UBE2E2: variants seen among roughly 807,000 people sequenced by gnomAD.
UBE2E2 encodes ubiquitin conjugating enzyme E2 E2.
UBE2E2 carries 6 observed loss-of-function variants against 24.7 expected under a neutral mutation model. The observed-to-expected ratio is 0.24, with a 90% CI of 0.13 to 0.48. UBE2E2 has a LOEUF of 0.48. Ranked by LOEUF, UBE2E2 falls within the 20% of genes least tolerant of loss-of-function variation. The pLI is 0.99. For missense variants in UBE2E2, 169 were observed against 245.0 expected, an observed-to-expected ratio of 0.69 and a Z score of 2.07; for synonymous variants, 104 against 83.6, an observed-to-expected ratio of 1.24 and a Z score of -1.33.
At chr3:23,569,852 T>G (rs1379195318) in intron 5 of UBE2E2, among the ~76,000 whole-genome samples, 1 of 152,228 alleles carries the variant, frequency 6.6e-6, no homozygotes, top group Non-Finnish European at 1.5e-5. Flanking sequence ...AAAAATATTT[T>G]ATCAAGTATA....
chr3:23,239,424 G>A (rs1424761452), intron 3 of UBE2E2, among the ~76,000 whole-genome samples: 3 of 152,040 alleles, frequency 2.0e-5, no homozygotes, highest in Non-Finnish European at 1.5e-5. Context: ...ACATCCATTA[G>A]CATTCTCCAT....
chr3:23,287,775 T>C (rs866968804), intron 3 of UBE2E2, among the ~76,000 whole-genome samples: 56 of 146,668 alleles, frequency 3.8e-4, no homozygotes, highest in South Asian at 2.8e-3. Flanking sequence ...GTCTCTCTCT[T>C]TTTTTTTTTT....
intron 5 of UBE2E2, among the ~76,000 whole-genome samples, chr3:23,570,533 G>T (rs1296700739): frequency 2.0e-5 from 3 of 152,050 alleles, no homozygotes; most frequent in African/African-American, 7.2e-5. Flanking sequence ...ATTTACAACA[G>T]TAAACAATGT....
At chr3:23,552,388 A>G (rs938183017) in intron 5 of UBE2E2, among the ~76,000 whole-genome samples, 7 of 152,194 alleles carry the variant, frequency 4.6e-5, no homozygotes, top group African/African-American at 1.7e-4. Context: ...GTCAATAAAA[A>G]TATTCTGCAT....
chr3:23,543,793 G>T (rs746972117), intron 5 of UBE2E2, among the ~76,000 whole-genome samples: 1 of 152,140 alleles, frequency 6.6e-6, no homozygotes, highest in Non-Finnish European at 1.5e-5. Context: ...AAAGCTAGAG[G>T]CATTATGTTA....
At chr3:23,285,945 C>A (rs1013821078) in intron 3 of UBE2E2, among the ~76,000 whole-genome samples, 1 of 152,218 alleles carries the variant, frequency 6.6e-6, no homozygotes, top group African/African-American at 2.4e-5. Flanking sequence ...GATCTGCCCA[C>A]CTCGGCCTCC....
At chr3:23,224,888 A>G (rs1250706572) in intron 3 of UBE2E2, among the ~76,000 whole-genome samples, 1 of 150,740 alleles carries the variant, frequency 6.6e-6, no homozygotes, top group African/African-American at 2.4e-5. Context: ...TTATATAGTA[A>G]GTCTGTGTTT....
chr3:23,420,319 T>C (rs937139057), intron 3 of UBE2E2, among the ~76,000 whole-genome samples: 1 of 152,206 alleles, frequency 6.6e-6, no homozygotes. Flanking sequence ...TAAATAATGA[T>C]TGAATATCTT....
chr3:23,343,554 C>T (rs1037429752), intron 3 of UBE2E2, among the ~76,000 whole-genome samples: 7 of 151,946 alleles, frequency 4.6e-5, no homozygotes, highest in African/African-American at 7.2e-5. Context: ...CTAGCCGGGG[C>T]GACAGAGACT....
chr3:23,399,825 AT>A (rs1309268554), intron 3 of UBE2E2, among the ~76,000 whole-genome samples: 1 of 152,186 alleles, frequency 6.6e-6, no homozygotes, highest in Non-Finnish European at 1.5e-5. Flanking sequence ...AAACATTTTT[AT>A]TCACATTAAT....
intron 3 of UBE2E2, among the ~76,000 whole-genome samples, chr3:23,428,928 TAA>T (rs34525850): frequency 0.018 from 1,367 of 75,846 alleles, 18 homozygotes; most frequent in African/African-American, 0.065. Context: ...CTCTGTCTCT[TAA>T]AAAAAAAAAA....
intron 3 of UBE2E2, among the ~76,000 whole-genome samples, chr3:23,415,266 T>C (rs1017489253): frequency 2.0e-5 from 3 of 152,218 alleles, no homozygotes; most frequent in African/African-American, 7.2e-5. Context: ...TTAAAGTCCT[T>C]CACATACTAA....
At chr3:23,535,141 G>T (rs375748150) in intron 5 of UBE2E2, among the ~76,000 whole-genome samples, 7 of 152,282 alleles carry the variant, frequency 4.6e-5, no homozygotes, top group South Asian at 4.1e-4. Flanking sequence ...TATCACATTG[G>T]ATGGGTCACT....
At chr3:23,251,855 A>C (rs935623274) in intron 3 of UBE2E2, among the ~76,000 whole-genome samples, 1 of 152,242 alleles carries the variant, frequency 6.6e-6, no homozygotes, top group Non-Finnish European at 1.5e-5. Flanking sequence ...TGCTATACCC[A>C]TACATTTATA....
At position 23,413,041 on chromosome 3, in the gene UBE2E2, A is replaced by T. The variant is rs1418878217; in HGVS notation, c.228-86567A>T. Among the ~76,000 whole-genome samples the T allele has an allele frequency of 1.1e-3, 118 of 104,356 alleles. 2 individuals are homozygous for T. The Admixed American group carries it at 0.015, about 13-fold the overall frequency. The allele number at this position is 104,356 out of a possible 152,430, so 68.5% of individuals were successfully genotyped here. On this transcript the variant is annotated intron_variant, in intron 3 of 5. Coordinates refer to ENST00000396703, the MANE Select transcript of UBE2E2 (RefSeq NM_152653.4). ...AAGGGGAACATCACACTCCGGGGACAGTTTTGGGGTGGGGGGAGGGGGGAG... is the reference window on the plus strand; with the variant it reads ...AAGGGGAACATCACACTCCGGGGACTGTTTTGGGGTGGGGGGAGGGGGGAG...
intron 3 of UBE2E2, among the ~76,000 whole-genome samples, chr3:23,398,007 C>G (rs1425505642): frequency 3.9e-5 from 6 of 152,032 alleles, no homozygotes; most frequent in African/African-American, 9.7e-5. Context: ...TTCTATTGTT[C>G]AGTTGAACTC....
rs1052213024 is a variant in UBE2E2, at chr3:23,555,004, C to T, written c.508+22303C>T. ...TGATCTCTGCTCACTGCAGCCTTAT[C>T]TCCTGGGTTCAAGTGATGCTGCTGC... On this transcript the variant is annotated intron_variant, in intron 5 of 5. Coordinates refer to ENST00000396703, the MANE Select transcript of UBE2E2 (RefSeq NM_152653.4). Among the ~76,000 whole-genome samples, 16 of 151,734 alleles carry T rather than the reference C, an allele frequency of 1.1e-4. No homozygotes were observed. The South Asian group carries it at 1.3e-3, about 12-fold the overall frequency.
chr3:23,411,753 C>T (rs1354558727), intron 3 of UBE2E2, among the ~76,000 whole-genome samples: 1 of 152,012 alleles, frequency 6.6e-6, no homozygotes, highest in Non-Finnish European at 1.5e-5. Flanking sequence ...TCAACTAGAA[C>T]GTTGAGATTG....
intron 5 of UBE2E2, among the ~76,000 whole-genome samples, chr3:23,554,543 C>T (rs1695727546): frequency 6.6e-6 from 1 of 151,994 alleles, no homozygotes; most frequent in South Asian, 2.1e-4. Flanking sequence ...TGAAATTGGA[C>T]CTTTATCTTA....
Sources: gnomAD v4.1 joint callset for allele counts (sites outside exome capture counted in the v4.1 genomes callset) on GRCh38, gnomAD v4.1.1 for gene constraint, MANE v1.5 for transcripts, NCBI Gene and HGNC (gene_info 2026-07-23, HGNC 2026-07-21) for gene names.